The following CHSY3 variants were observed in gnomAD, a reference collection of about 807,000 sequenced individuals.
The protein encoded by CHSY3 is chondroitin sulfate synthase 3.
Under a neutral mutation model 67.2 loss-of-function variants are expected in CHSY3, and 35 were observed. That is an observed-to-expected ratio of 0.52 (90% CI 0.40 to 0.69). The LOEUF (loss-of-function observed/expected upper bound fraction) is 0.69. Ranked by LOEUF, CHSY3 falls within the 30% of genes least tolerant of loss-of-function variation. The pLI is 0.00. For synonymous variants in CHSY3, 474 were observed against 434.7 expected, an observed-to-expected ratio of 1.09 and a Z score of -1.12; for missense variants, 1,069 against 1,138.5, an observed-to-expected ratio of 0.94 and a Z score of 0.88.
At chr5:130,059,218 T>C (rs905673347) in intron 2 of CHSY3, among the ~76,000 whole-genome samples, 7 of 152,228 alleles carry the variant, frequency 4.6e-5, no homozygotes, top group Non-Finnish European at 1.5e-5. Flanking sequence ...ATAAAAATCC[T>C]GTCTGAGTTT....
At chr5:130,143,766 GTGTA>G (rs1262874672) in intron 2 of CHSY3, among the ~76,000 whole-genome samples, 1 of 96,390 alleles carries the variant, frequency 1.0e-5, no homozygotes, top group African/African-American at 4.9e-5. Flanking sequence ...ATGTGTGTGT[GTGTA>G]TATATATATA....
intron 2 of CHSY3, among the ~76,000 whole-genome samples, chr5:129,917,274 G>T (rs1323502306): frequency 2.6e-5 from 4 of 152,090 alleles, no homozygotes; most frequent in Non-Finnish European, 4.4e-5. Context: ...AGACCCCCAT[G>T]GATACTAAAA....
At chr5:130,095,179 C>T (rs1051070134) in intron 2 of CHSY3, among the ~76,000 whole-genome samples, 4 of 152,148 alleles carry the variant, frequency 2.6e-5, no homozygotes, top group Middle Eastern at 3.4e-3. Context: ...AATATACATA[C>T]CTATATTTCC....
chr5:130,096,462 G>T (rs1767050869), intron 2 of CHSY3, among the ~76,000 whole-genome samples: 1 of 152,022 alleles, frequency 6.6e-6, no homozygotes, highest in Non-Finnish European at 1.5e-5. Flanking sequence ...AAGTTCTATC[G>T]TGCACTTTGG....
At chr5:129,951,847 A>G (rs150150206) in intron 2 of CHSY3, among the ~76,000 whole-genome samples, 18 of 152,324 alleles carry the variant, frequency 1.2e-4, no homozygotes, top group African/African-American at 4.3e-4. Context: ...TTTTTAAATT[A>G]TCTGTTTTGG....
At chr5:130,058,807 A>C (rs941960026) in intron 2 of CHSY3, among the ~76,000 whole-genome samples, 2 of 152,250 alleles carry the variant, frequency 1.3e-5, no homozygotes, top group African/African-American at 4.8e-5. Context: ...GCAAGGTGTC[A>C]GCAGGGCTGT....
chr5:130,118,675 T>C (rs1767905452), intron 2 of CHSY3, among the ~76,000 whole-genome samples: 1 of 152,144 alleles, frequency 6.6e-6, no homozygotes, highest in African/African-American at 2.4e-5. Flanking sequence ...GATTTCCTTT[T>C]TCCACATGTA....
At chr5:130,029,527 G>C (rs1561504688) in intron 2 of CHSY3, among the ~76,000 whole-genome samples, 1 of 151,904 alleles carries the variant, frequency 6.6e-6, no homozygotes, top group South Asian at 2.1e-4. Context: ...AAATTTACTG[G>C]GTCTCCATGT....
At chr5:130,068,803 T>G (rs1219828001) in intron 2 of CHSY3, among the ~76,000 whole-genome samples, 1 of 152,124 alleles carries the variant, frequency 6.6e-6, no homozygotes, top group Admixed American at 6.6e-5. Flanking sequence ...GAAGAGCTGA[T>G]CTTTCACTTT....
intron 2 of CHSY3, among the ~76,000 whole-genome samples, chr5:130,069,920 A>C (rs1478019276): frequency 6.6e-6 from 1 of 152,096 alleles, no homozygotes; most frequent in East Asian, 1.9e-4. Flanking sequence ...TCTCACTAGG[A>C]GGTACTTTAT....
intron 2 of CHSY3, among the ~76,000 whole-genome samples, chr5:130,010,633 A>G (rs1293155071): frequency 6.6e-6 from 1 of 152,144 alleles, no homozygotes; most frequent in Non-Finnish European, 1.5e-5. Flanking sequence ...AAATAACCAA[A>G]CTTAGAGCTG....
intron 2 of CHSY3, among the ~76,000 whole-genome samples, chr5:130,107,840 G>C (rs894998533): frequency 6.6e-6 from 1 of 151,572 alleles, no homozygotes; most frequent in Non-Finnish European, 1.5e-5. Context: ...ACTCAAATCA[G>C]TTGGCTGCTT....
At chr5:129,916,862 T>C (rs545310303) in intron 2 of CHSY3, among the ~76,000 whole-genome samples, 2 of 152,266 alleles carry the variant, frequency 1.3e-5, no homozygotes, top group South Asian at 2.1e-4. Context: ...GTTTCTCATC[T>C]CTGACATCCT....
chr5:130,167,938 G>T (rs1283554185), intron 2 of CHSY3, among the ~76,000 whole-genome samples: 1 of 152,046 alleles, frequency 6.6e-6, no homozygotes, highest in Non-Finnish European at 1.5e-5. Flanking sequence ...ATATCAGACT[G>T]GGAATGGAAG....
rs115080329 is a variant in CHSY3, at chr5:129,922,048, T to C, written c.1086+13688T>C. Among the ~76,000 whole-genome samples, 735 of 152,264 alleles carry C rather than the reference T, an allele frequency of 4.8e-3. 5 individuals are homozygous for C. Among genetic ancestry groups the C allele is most frequent in the East Asian group, 0.03 (153 of 5,168 alleles). On this transcript the variant is annotated intron_variant, in intron 2 of 2. Coordinates refer to ENST00000305031, the MANE Select transcript of CHSY3 (RefSeq NM_175856.5). Reference sequence around the variant, plus strand: ...CATTCTACTCCCCGTCTTCATGAGTTGTTGTTTTAATTCCCACATGAGTGA... The same window carrying C: ...CATTCTACTCCCCGTCTTCATGAGTCGTTGTTTTAATTCCCACATGAGTGA...
chr5:129,908,672 T>A (rs914097189), intron 2 of CHSY3, among the ~76,000 whole-genome samples: 4 of 152,158 alleles, frequency 2.6e-5, no homozygotes, highest in Admixed American at 2.6e-4. Context: ...ATTTCCCTTT[T>A]CTAACAAGAG....
intron 2 of CHSY3, among the ~76,000 whole-genome samples, chr5:130,178,227 T>TATATATATATA (rs1561571814): frequency 1.5e-5 from 1 of 65,836 alleles, no homozygotes; most frequent in African/African-American, 6.6e-5. Flanking sequence ...ATATTTATAT[T>TATATATATATA]TATATATATA....
Position 130,025,223 on chromosome 5 carries a change from G to T in CHSY3, c.1086+116863G>T, listed in dbSNP as rs114361515. On this transcript the variant is annotated intron_variant, in intron 2 of 2. Transcript: ENST00000305031. ...GGTGAAAGGATCCTAATTTGGATTTGGTATAGGGATCAGTGAAATTTTCTC... is the reference window on the plus strand; with the variant it reads ...GGTGAAAGGATCCTAATTTGGATTTTGTATAGGGATCAGTGAAATTTTCTC... Among the ~76,000 whole-genome samples the T allele has an allele frequency of 9.5e-3, 1,440 of 152,208 alleles. 21 individuals carry two copies. The highest frequency in any genetic ancestry group is 0.033 in the African/African-American group (1,350 of 41,534).
chr5:130,172,156 T>A (rs1769910770), intron 2 of CHSY3, among the ~76,000 whole-genome samples: 1 of 152,148 alleles, frequency 6.6e-6, no homozygotes, highest in South Asian at 2.1e-4. Context: ...AGAGAGATCT[T>A]GCCCATGAAT....
Sources: allele counts gnomAD v4.1 joint callset (sites outside exome capture counted in the v4.1 genomes callset), GRCh38; gene constraint gnomAD v4.1.1; transcripts MANE v1.5; gene names NCBI Gene and HGNC (gene_info 2026-07-23, HGNC 2026-07-21).